CELF5: variants seen among roughly 807,000 people sequenced by gnomAD.
CELF5 encodes CUGBP Elav-like family member 5.
A neutral mutation model predicts 54.9 loss-of-function variants in CELF5; 6 were observed. The observed-to-expected ratio is 0.11, with a 90% CI of 0.06 to 0.22. The LOEUF (loss-of-function observed/expected upper bound fraction) is 0.22. CELF5 is among the 10% of genes least tolerant of loss of function. The pLI is 1.00. For missense variants in CELF5, 401 were observed against 678.6 expected (o/e 0.59, Z 4.54); for synonymous variants, 271 against 290.9 (o/e 0.93, Z 0.70).
At chr19:3,274,004 C>T in intron 3 of CELF5, 81 bp downstream of exon 3, 1 of 1,421,854 alleles carries the variant, frequency 7.0e-7, no homozygotes, top group Non-Finnish European at 9.9e-7. Flanking sequence ...TTCCTCTCTC[C>T]TGCAAAAGGG....
intron 1 of CELF5, among the ~76,000 whole-genome samples, chr19:3,227,721 G>C (rs1382476353): frequency 6.6e-6 from 1 of 152,170 alleles, no homozygotes; most frequent in East Asian, 1.9e-4. Context: ...GAGTGACAGC[G>C]CATTTCTGGG....
intron 10 of CELF5, among the ~76,000 whole-genome samples, chr19:3,288,199 C>T (rs1046944924): frequency 3.3e-5 from 5 of 152,156 alleles, no homozygotes; most frequent in African/African-American, 1.2e-4. Flanking sequence ...CAAAATTGTT[C>T]AGTTACATTG....
rs923764344 is a variant in CELF5 at position 3,231,736 on chromosome 19, C to T, written c.259+6738C>T. Among the ~76,000 whole-genome samples, 12 of 58,646 alleles carry T rather than the reference C, an allele frequency of 2.0e-4. No homozygotes were observed. The South Asian group carries it at 2.7e-3, about 13-fold the overall frequency. 38.5% of individuals were successfully genotyped at this position (58,646 alleles called of 152,430 possible). On this transcript the variant is annotated intron_variant, in intron 1 of 12. Coordinates refer to ENST00000292672, the MANE Select transcript of CELF5 (RefSeq NM_021938.4). ...AATAGATTGGTGGATGATGGGGGAG[C>T]GATGGATGGGCATATGGATGGGTGG...
chr19:3,225,861 C>A (rs1041535587), intron 1 of CELF5, among the ~76,000 whole-genome samples: 198 of 152,116 alleles, frequency 1.3e-3, no homozygotes, highest in African/African-American at 4.6e-3. Flanking sequence ...AGACAATGAG[C>A]TTGGACGTGT....
chr19:3,267,012 G>A (rs1479612887), intron 2 of CELF5, among the ~76,000 whole-genome samples: 5 of 152,130 alleles, frequency 3.3e-5, no homozygotes, highest in Non-Finnish European at 5.9e-5. Context: ...GTGAGACACC[G>A]AGACAGCCAC....
intron 1 of CELF5, among the ~76,000 whole-genome samples, chr19:3,250,631 T>G (rs1468485296): frequency 6.6e-6 from 1 of 152,182 alleles, no homozygotes; most frequent in African/African-American, 2.4e-5. Flanking sequence ...CACTCAGTCC[T>G]CATTCCCCTC....
chr19:3,283,348 A>G (rs79828054), intron 8 of CELF5, among the ~76,000 whole-genome samples: 2,190 of 152,008 alleles, frequency 0.014, 23 homozygotes, highest in Middle Eastern at 0.075. Flanking sequence ...TTTTTTAATT[A>G]TTTTTATTTA....
At chr19:3,286,440 A>C in intron 10 of CELF5, 1 of 185,590 alleles carries the variant, frequency 5.4e-6, no homozygotes, top group Non-Finnish European at 1.1e-5. Flanking sequence ...CAGGGTTCAA[A>C]TCCATACAGT....
chr19:3,262,502 A>G (rs1452998658), intron 2 of CELF5, among the ~76,000 whole-genome samples: 4 of 152,114 alleles, frequency 2.6e-5, no homozygotes, highest in Non-Finnish European at 5.9e-5. Context: ...GAGCCCAGCT[A>G]CCATATGGGA....
intron 1 of CELF5, among the ~76,000 whole-genome samples, chr19:3,243,468 G>A (rs2145030395): frequency 1.3e-5 from 2 of 152,216 alleles, no homozygotes; most frequent in Admixed American, 1.3e-4. Flanking sequence ...TATTTGCAGA[G>A]ATGGAATTTG....
intron 1 of CELF5, among the ~76,000 whole-genome samples, chr19:3,249,829 C>T (rs1327160365): frequency 6.6e-6 from 1 of 152,230 alleles, no homozygotes; most frequent in Non-Finnish European, 1.5e-5. Context: ...GTGGCAGAGC[C>T]CACTGCTCCC....
chr19:3,236,632 G>C (rs977211185), intron 1 of CELF5, among the ~76,000 whole-genome samples: 1 of 152,130 alleles, frequency 6.6e-6, no homozygotes, highest in Non-Finnish European at 1.5e-5. Context: ...TCGGTGCATC[G>C]TAGGTGCTCA....
At chr19:3,261,946 C>T (rs1386853253) in intron 2 of CELF5, among the ~76,000 whole-genome samples, 1 of 152,170 alleles carries the variant, frequency 6.6e-6, no homozygotes, top group African/African-American at 2.4e-5. Context: ...CTGTGCTGTG[C>T]AGTGTGCTGA....
rs1358162471 is a variant in CELF5, at chr19:3,282,341, C to T, written c.893-11C>T. The T allele has an allele frequency of 3.1e-6, 5 of 1,608,672 alleles. No homozygotes were observed. The Admixed American group carries it at 8.3e-5, about 27-fold the overall frequency. On this transcript the variant is annotated splice_polypyrimidine_tract_variant and intron_variant, in intron 7 of 12. Coordinates refer to ENST00000292672, the MANE Select transcript of CELF5 (RefSeq NM_021938.4). This position sits in a 1 kb window ranked among gnomAD's most constrained non-coding sequence, Gnocchi z 5.2. ...GAACTGGCCTCCCCATGACCCTCTT[C>T]CGCTCTGCAGGGCTGCACTCACCCC...
chr19:3,282,036 C>T lies in CELF5; in HGVS notation c.751-90C>T. ...GAGCCAAGATACCCAGCCTGACCTCCTCACTAGTAACTGGGGTACCAAGCC... is the reference window on the plus strand; with the variant it reads ...GAGCCAAGATACCCAGCCTGACCTCTTCACTAGTAACTGGGGTACCAAGCC... On this transcript the variant is annotated intron_variant, in intron 6 of 12. Coordinates refer to ENST00000292672, the MANE Select transcript of CELF5 (RefSeq NM_021938.4). This position sits in a 1 kb window ranked among gnomAD's most constrained non-coding sequence, Gnocchi z 5.2. 6.8e-7 allele frequency: 1 copy of T among 1,467,004 alleles called. No homozygotes were observed. The highest frequency in any genetic ancestry group is 1.7e-4 in the Middle Eastern group (1 of 5,754). 90.9% of individuals were successfully genotyped at this position (1,467,004 alleles called of 1,614,324 possible).
At chr19:3,255,582 C>T (rs940922055) in intron 2 of CELF5, among the ~76,000 whole-genome samples, 1 of 152,128 alleles carries the variant, frequency 6.6e-6, no homozygotes, top group Admixed American at 6.6e-5. Flanking sequence ...ATGGCCCCCA[C>T]ATCCTGCCCT....
intron 1 of CELF5, among the ~76,000 whole-genome samples, chr19:3,244,120 C>T (rs183668890): frequency 6.6e-6 from 1 of 151,996 alleles, no homozygotes; most frequent in Non-Finnish European, 1.5e-5. Flanking sequence ...CGCATTTTCA[C>T]CAGCTAGAAA....
chr19:3,286,322 C>T (rs1037835590), intron 10 of CELF5: 4 of 390,346 alleles, frequency 1.0e-5, no homozygotes, highest in Non-Finnish European at 1.8e-5. Flanking sequence ...GAAAGGAAAC[C>T]CTTTTTGAGG....
intron 2 of CELF5, among the ~76,000 whole-genome samples, chr19:3,252,725 GC>G (rs2079668685): frequency 6.6e-6 from 1 of 152,050 alleles, no homozygotes; most frequent in Non-Finnish European, 1.5e-5. Flanking sequence ...AGAATAGAGA[GC>G]CCCTCTTTTG....
Sources: gnomAD v4.1 joint callset for allele counts (sites outside exome capture counted in the v4.1 genomes callset) on GRCh38, gnomAD v4.1.1 for gene constraint, Gnocchi (gnomAD v3.1) non-coding constraint, MANE v1.5 for transcripts, NCBI Gene and HGNC (gene_info 2026-07-23, HGNC 2026-07-21) for gene names.